Variants in RAVER1 observed in about 807,000 individuals in gnomAD.
RAVER1 encodes the protein ribonucleoprotein, PTB binding 1.
A neutral mutation model predicts 68.4 loss-of-function variants in RAVER1; 36 were observed. The observed-to-expected ratio is 0.53, with a 90% CI of 0.40 to 0.70. RAVER1 has a LOEUF of 0.70. RAVER1 is among the 30% of genes least tolerant of loss of function. The pLI is 0.00. For missense variants in RAVER1, 933 were observed against 1,019.8 expected, an observed-to-expected ratio of 0.91 and a Z score of 1.16; for synonymous variants, 469 against 472.7, an observed-to-expected ratio of 0.99 and a Z score of 0.10.
intron 6 of RAVER1, 116 bp from the exon 7 acceptor site, chr19:10,321,734 G>GAT: frequency 1.4e-6 from 1 of 734,970 alleles, no homozygotes; most frequent in Non-Finnish European, 2.0e-6. Context: ...CCGATCCTGG[G>GAT]CAGACAGGCA....
rs368364557 is a variant in RAVER1 at position 10,317,416 on chromosome 19, T to C, written c.*38A>G. 7.9e-5 allele frequency: 126 copies of C among 1,604,316 alleles called. No individual in the cohort carries two copies. Among genetic ancestry groups the C allele is most frequent in the Non-Finnish European group, 1.0e-4 (122 of 1,174,110 alleles). The stretch of plus-strand genomic sequence containing the variant: ...AAACATCAGAAAACCCAAAAGCGAT[T>C]TGGTGCAGGCCCTTGAGTTATCTCT... On this transcript the variant is annotated 3_prime_UTR_variant, in exon 13 of 13. Transcript: ENST00000617231. This position sits in a 1 kb window ranked among gnomAD's most constrained non-coding sequence, Gnocchi z 4.3.
At chr19:10,320,487 G>C (rs1236260726) in intron 9 of RAVER1, among the ~76,000 whole-genome samples, 168 bp downstream of exon 9, 2 of 145,996 alleles carry the variant, frequency 1.4e-5, no homozygotes, top group African/African-American at 5.1e-5. Context: ...CAGGGCAGCA[G>C]AGGGAGACCC....
At chr19:10,321,282 A>C in intron 7 of RAVER1, 23 bp from the exon 8 acceptor site, 3 of 1,192,652 alleles carry the variant, frequency 2.5e-6, no homozygotes, top group Non-Finnish European at 3.2e-6. Flanking sequence ...GGAGGATTTC[A>C]GGGGCCCAGG....
At position 10,329,149 on chromosome 19, in the gene RAVER1, C is replaced by T. The variant is rs887677868; in HGVS notation, c.287-38G>A. 9 of 1,299,086 alleles carry T rather than the reference C, an allele frequency of 6.9e-6. No individual in the cohort carries two copies. 80.5% of individuals were successfully genotyped at this position (1,299,086 alleles called of 1,614,324 possible). On this transcript the variant is annotated intron_variant, in intron 2 of 12. Transcript: ENST00000617231. The surrounding 1 kb of genome is among the most constrained non-coding windows in gnomAD (Gnocchi z 4.6). Reference sequence around the variant, plus strand: ...GAGGGCAGTGCGAGGTCAGCCGGGCCCTGAGGGCCTGCCCCTCCACCCCGC... The same window carrying T: ...GAGGGCAGTGCGAGGTCAGCCGGGCTCTGAGGGCCTGCCCCTCCACCCCGC...
chr19:10,332,301 C>T (rs1280935229), intron 1 of RAVER1, among the ~76,000 whole-genome samples: 1 of 152,188 alleles, frequency 6.6e-6, no homozygotes, highest in African/African-American at 2.4e-5. Context: ...CCCAGCCTCT[C>T]AAGCCAGCTT....
Position 10,321,545 on chromosome 19 carries a change from C to T in RAVER1, c.1247G>A (p.Gly416Glu), listed in dbSNP as rs768053831. The T allele has an allele frequency of 2.2e-6, 3 of 1,361,778 alleles. No individual in the cohort carries two copies. Among genetic ancestry groups the T allele is most frequent in the African/African-American group, 1.5e-5 (1 of 66,728 alleles). 84.4% of individuals were successfully genotyped at this position (1,361,778 alleles called of 1,614,324 possible). ...GTCTGCGTTACCTGCAGGCAGCTCC[C>T]CGAGGAGGGGGTTGGCTGGCTGGGC... ...PGAQPANPLL[G>E]ELPAGGGLPP... Residue 416 changes from glycine to glutamate, a missense_variant, in exon 7 of 13, where the codon GGG becomes GAG. Physicochemically the swap from Gly to Glu is moderately conservative, Grantham distance 98. Around this residue, in one of 3 missense-constraint regions of RAVER1, gnomAD observed 699 missense variants for 731.1 expected, o/e 0.96. Coordinates refer to ENST00000617231, the MANE Select transcript of RAVER1 (RefSeq NM_133452.3).
Position 10,322,750 on chromosome 19 carries a change from A to G in RAVER1, c.1079-11T>C. The G allele has an allele frequency of 2.8e-6, 4 of 1,449,634 alleles. No homozygotes were observed. Among genetic ancestry groups the G allele is most frequent in the Non-Finnish European group, 3.6e-6 (4 of 1,100,124 alleles). The allele number at this position is 1,449,634 out of a possible 1,614,324, so 89.8% of individuals were successfully genotyped here. A position where few individuals can be genotyped will look rare whatever the true frequency, so the allele number is the denominator to read the frequency against. On this transcript the variant is annotated splice_polypyrimidine_tract_variant and intron_variant, in intron 5 of 12. Transcript: ENST00000617231. The surrounding 1 kb of genome is among the most constrained non-coding windows in gnomAD (Gnocchi z 4.3). ...GGGCACCCAGGAGGCCTGGAGGGAG[A>G]CATAGGAGGATGTGTGGGGGTCCCT...
In RAVER1 at chr19:10,317,053, A is replaced by T. The variant is rs927632618; in HGVS notation, c.*401T>A. 5 of 156,734 alleles carry T rather than the reference A, an allele frequency of 3.2e-5. No individual in the cohort carries two copies. Among genetic ancestry groups the T allele is most frequent in the Non-Finnish European group, 4.8e-5 (4 of 82,488 alleles). 9.7% of individuals were successfully genotyped at this position (156,734 alleles called of 1,614,324 possible). A position where few individuals can be genotyped will look rare whatever the true frequency, so the allele number is the denominator to read the frequency against. Reference sequence around the variant, plus strand: ...GAAACAGAAGTCAGTTGTCAAAGTTAAAAAAAAAGGAGACAGTCTCTGTAT... The same window carrying T: ...GAAACAGAAGTCAGTTGTCAAAGTTTAAAAAAAAGGAGACAGTCTCTGTAT... On this transcript the variant is annotated 3_prime_UTR_variant, in exon 13 of 13. Coordinates refer to ENST00000617231, the MANE Select transcript of RAVER1 (RefSeq NM_133452.3). This position sits in a 1 kb window ranked among gnomAD's most constrained non-coding sequence, Gnocchi z 4.3.
intron 9 of RAVER1, 62 bp from the exon 10 acceptor site, chr19:10,319,302 A>G (rs2040417154): frequency 3.3e-6 from 5 of 1,515,062 alleles, no homozygotes; most frequent in Non-Finnish European, 4.6e-6. Flanking sequence ...CCCTGGCTGA[A>G]CTCCATGGCA....
At position 10,320,846 on chromosome 19, in the gene RAVER1, G is replaced by T. The variant is rs772005590; in HGVS notation, c.1579C>A (p.Arg527=). The change falls in exon 9 of 13, where the codon CGG becomes AGG. Residue 527 remains arginine, a synonymous_variant. Coordinates refer to ENST00000617231, the MANE Select transcript of RAVER1 (RefSeq NM_133452.3). ...PASNLAGKEA[R]GWGGAGRSRR... ...CTTCTCCCGGCGCCTCCCCAGCCCC[G>T]GGCCTCCTTACCCGCCAGGTTGCTG... 6.6e-7 allele frequency: 1 copy of T among 1,513,126 alleles called. No individual in the cohort carries two copies. The highest frequency in any genetic ancestry group is 2.4e-5 in the Admixed American group (1 of 41,438). The allele number at this position is 1,513,126 out of a possible 1,614,324, so 93.7% of individuals were successfully genotyped here. A position where few individuals can be genotyped will look rare whatever the true frequency, so the allele number is the denominator to read the frequency against.
intron 3 of RAVER1, among the ~76,000 whole-genome samples, chr19:10,326,215 C>T (rs1460205466): frequency 1.3e-5 from 2 of 152,016 alleles, no homozygotes; most frequent in African/African-American, 4.8e-5. Context: ...AGATCGCGCC[C>T]CTGCACTCCA....
chr19:10,318,795 C>T (rs2040413763), intron 10 of RAVER1, among the ~76,000 whole-genome samples: 1 of 152,228 alleles, frequency 6.6e-6, no homozygotes, highest in African/African-American at 2.4e-5. Context: ...CTGTTCCAGC[C>T]TGTGGACGCC....
Position 10,323,278 on chromosome 19 carries a change from CAGGA to C in RAVER1, c.949-8_949-5del, listed in dbSNP as rs761056262. On this transcript the variant is annotated splice_region_variant and splice_polypyrimidine_tract_variant and intron_variant, in intron 4 of 12. Transcript: ENST00000617231. The surrounding 1 kb of genome is among the most constrained non-coding windows in gnomAD (Gnocchi z 6.2). The stretch of plus-strand genomic sequence containing the variant: ...GTCCCTTCCCCCGATTGAGGGCCTG[CAGGA>C]AGGAACAGAAGCAGCTCAGAGTGCC... 8.1e-6 allele frequency: 13 copies of C among 1,613,324 alleles called. No homozygotes were observed. The South Asian group carries it at 1.4e-4, about 18-fold the overall frequency.
chr19:10,322,737 G>A lies in RAVER1; in HGVS notation c.1081C>T (p.Leu361Phe), dbSNP rs1200037385. ...LHGSAGGKQG[L>F]LGAPPAMPLL... The stretch of plus-strand genomic sequence containing the variant: ...GGCATGGCTGGGGGGGCACCCAGGA[G>A]GCCTGGAGGGAGACATAGGAGGATG... Residue 361 changes from leucine to phenylalanine, a missense_variant and splice_region_variant, in exon 6 of 13, where the codon CTC becomes TTC. Transcript: ENST00000617231. The surrounding 1 kb of genome is among the most constrained non-coding windows in gnomAD (Gnocchi z 4.3). The A allele has an allele frequency of 6.7e-7, 1 of 1,490,010 alleles. No homozygotes were observed. The highest frequency in any genetic ancestry group is 8.9e-7 in the Non-Finnish European group (1 of 1,128,194). 92.3% of individuals were successfully genotyped at this position (1,490,010 alleles called of 1,614,324 possible).
rs374341950 is a variant in RAVER1, at chr19:10,323,510, C to T, written c.813G>A (p.Thr271=). Residue 271 remains threonine, a synonymous_variant, in exon 4 of 13, where the codon ACG becomes ACA. Coordinates refer to ENST00000617231, the MANE Select transcript of RAVER1 (RefSeq NM_133452.3). The surrounding 1 kb of genome is among the most constrained non-coding windows in gnomAD (Gnocchi z 6.2). ...LKGFAVLEYE[T]AEMAEEAQQQ... ...GCTGTGCCTCCTCCGCCATCTCAGC[C>T]GTCTCATACTCCAGCACCGCGAAGC... 105 of 1,608,922 alleles carry T rather than the reference C, an allele frequency of 6.5e-5. No individual in the cohort carries two copies. The Middle Eastern group carries it at 6.6e-4, about 10-fold the overall frequency.
Position 10,317,038 on chromosome 19 carries a change from T to A in RAVER1, c.*416A>T. The A allele has an allele frequency of 4.7e-6, 1 of 212,764 alleles. No individual in the cohort carries two copies. Among genetic ancestry groups the A allele is most frequent in the Non-Finnish European group, 9.2e-6 (1 of 108,412 alleles). 13.2% of individuals were successfully genotyped at this position (212,764 alleles called of 1,614,324 possible). A position where few individuals can be genotyped will look rare whatever the true frequency, so the allele number is the denominator to read the frequency against. On this transcript the variant is annotated 3_prime_UTR_variant, in exon 13 of 13. Coordinates refer to ENST00000617231, the MANE Select transcript of RAVER1 (RefSeq NM_133452.3). The surrounding 1 kb of genome is among the most constrained non-coding windows in gnomAD (Gnocchi z 4.3). ...TAAAACTTAGAAAAGGAAACAGAAGTCAGTTGTCAAAGTTAAAAAAAAAGG... is the reference window on the plus strand; with the variant it reads ...TAAAACTTAGAAAAGGAAACAGAAGACAGTTGTCAAAGTTAAAAAAAAAGG...
chr19:10,328,971 G>A lies in RAVER1; in HGVS notation c.427C>T (p.Leu143Phe). The change falls in exon 3 of 13, where the codon CTC becomes TTC. Residue 143 changes from leucine (L) to phenylalanine (F), a missense_variant. Physicochemically the swap from Leu to Phe is conservative, Grantham distance 22. This residue lies in a region of RAVER1 where 211 missense variants were observed against 230.0 expected (regional missense o/e 0.92). Transcript: ENST00000617231. The surrounding 1 kb of genome is among the most constrained non-coding windows in gnomAD (Gnocchi z 4.4). The part of the protein sequence containing the change: ...LLCVANLPPS[L>F]TQQQFEELVR... ...AGCTCCTCGAACTGCTGCTGTGTGA[G>A]GCTGGGGGGCAGGTTGGCCACACAC... The A allele has an allele frequency of 6.3e-7, 1 of 1,599,160 alleles. No individual in the cohort carries two copies. The highest frequency in any genetic ancestry group is 1.7e-5 in the Admixed American group (1 of 59,280).
rs1599305186 is a variant in RAVER1 at position 10,329,781 on chromosome 19, T to G, written c.287-670A>C. ...CATCTTGTGGCTTCTAGCTGCAGGG[T>G]GCAGTGCAGCCTGTGCGGGCTCGCT... On this transcript the variant is annotated intron_variant, in intron 2 of 12. Transcript: ENST00000617231. The surrounding 1 kb of genome is among the most constrained non-coding windows in gnomAD (Gnocchi z 4.6). Among the ~76,000 whole-genome samples, 1 of 152,060 alleles carries G rather than the reference T, an allele frequency of 6.6e-6. No individual in the cohort carries two copies. The highest frequency in any genetic ancestry group is 1.5e-5 in the Non-Finnish European group (1 of 67,988).
rs1393761675 is a variant in RAVER1 at position 10,329,057 on chromosome 19, T to C, written c.341A>G (p.His114Arg). 6.6e-7 allele frequency: 1 copy of C among 1,526,096 alleles called. No homozygotes were observed. The highest frequency in any genetic ancestry group is 2.3e-5 in the East Asian group (1 of 43,114). The allele number at this position is 1,526,096 out of a possible 1,614,324, so 94.5% of individuals were successfully genotyped here. A position where few individuals can be genotyped will look rare whatever the true frequency, so the allele number is the denominator to read the frequency against. Reference protein sequence around the residue: ...EQAEAAINAFHQSRLRERELS... With the variant: ...EQAEAAINAFRQSRLRERELS... ...TTCACGCTCCCGCAGGCGGCTCTGG[T>C]GGAAAGCATTGATTGCGGCCTCGGC... The change falls in exon 3 of 13, where the codon CAC becomes CGC. Residue 114 changes from histidine (H) to arginine (R), a missense_variant. This residue lies in a region of RAVER1 where 211 missense variants were observed against 230.0 expected (regional missense o/e 0.92). Coordinates refer to ENST00000617231, the MANE Select transcript of RAVER1 (RefSeq NM_133452.3). This position sits in a 1 kb window ranked among gnomAD's most constrained non-coding sequence, Gnocchi z 4.6.
Sources: gnomAD v4.1 joint callset for allele counts (sites outside exome capture counted in the v4.1 genomes callset) on GRCh38, gnomAD v4.1.1 for gene constraint, gnomAD v4.1.1 regional missense constraint, Gnocchi (gnomAD v3.1) non-coding constraint, MANE v1.5 for transcripts, NCBI Gene and HGNC (gene_info 2026-07-23, HGNC 2026-07-21) for gene names.